Variants in GAPVD1 observed in about 807,000 individuals in gnomAD.
The protein encoded by GAPVD1 is GTPase-activating protein and VPS9 domain-containing protein 1.
Under a neutral mutation model 155.5 loss-of-function variants are expected in GAPVD1, and 35 were observed. The ratio of observed to expected loss-of-function variants is 0.23; its 90% CI spans 0.17 to 0.30. The LOEUF (loss-of-function observed/expected upper bound fraction) is 0.30, where lower values mean the gene tolerates loss of function less well. Ranked by LOEUF, GAPVD1 falls within the 10% of genes least tolerant of loss-of-function variation. GAPVD1 has a pLI of 1.00. For synonymous variants in GAPVD1, 636 were observed against 619.7 expected (o/e 1.03, Z -0.39); for missense variants, 1,429 against 1,775.7 (o/e 0.80, Z 3.51).
At chr9:125,294,655 T>G (rs1839551868) in intron 2 of GAPVD1, among the ~76,000 whole-genome samples, 1 of 150,638 alleles carries the variant, frequency 6.6e-6, no homozygotes, top group African/African-American at 2.5e-5. Flanking sequence ...TAAAATGGTT[T>G]TTTTTTTTTT....
At chr9:125,356,505 C>A (rs1850108257) in intron 25 of GAPVD1, among the ~76,000 whole-genome samples, 1 of 151,826 alleles carries the variant, frequency 6.6e-6, no homozygotes, top group African/African-American at 2.4e-5. Context: ...TTTTTCTTTT[C>A]TTTTGAGACA....
intron 2 of GAPVD1, among the ~76,000 whole-genome samples, chr9:125,292,815 G>A (rs1838831240): frequency 6.6e-6 from 1 of 152,174 alleles, no homozygotes. Flanking sequence ...TGGAAGTATG[G>A]AGTATTAATT....
At chr9:125,298,570 CCT>C (rs972273320) in intron 3 of GAPVD1, among the ~76,000 whole-genome samples, 1 of 136,748 alleles carries the variant, frequency 7.3e-6, no homozygotes, top group African/African-American at 2.7e-5. Context: ...CTCACTGCAA[CCT>C]CTGTCTCCCG....
At position 125,332,509 on chromosome 9, in the gene GAPVD1, G is replaced by T; in HGVS notation, c.2309-1G>T. ...TTATTTTTTACTATTGTTTTTTAAA[G>T]GCATAAGTGCAACCTCTGAGGATAT... On this transcript the variant is annotated splice_acceptor_variant, in intron 14 of 27. Transcript: ENST00000297933. LOFTEE classifies it high-confidence loss of function. The T allele has an allele frequency of 6.3e-7, 1 of 1,580,074 alleles. No homozygotes were observed. The highest frequency in any genetic ancestry group is 1.2e-5 in the South Asian group (1 of 86,578).
At position 125,365,372 on chromosome 9, in the gene GAPVD1, T is replaced by G. The variant is rs1851411553; in HGVS notation, c.*2626T>G. The G allele has an allele frequency of 6.6e-6, 1 of 151,990 alleles. No individual in the cohort carries two copies. The highest frequency in any genetic ancestry group is 2.4e-5 in the African/African-American group (1 of 41,380). 9.4% of individuals were successfully genotyped at this position (151,990 alleles called of 1,614,324 possible). On this transcript the variant is annotated 3_prime_UTR_variant, in exon 28 of 28. Coordinates refer to ENST00000297933, the MANE Select transcript of GAPVD1 (RefSeq NM_001282680.3). ...GGAATAGTTGTTCCCCAAATGTTTC[T>G]TCCTCCACTGCCTTCCAGTACTTTC... is the stretch of plus-strand genomic sequence containing the variant.
At chr9:125,291,715 T>C (rs1282952140) in intron 2 of GAPVD1, among the ~76,000 whole-genome samples, 7 of 151,934 alleles carry the variant, frequency 4.6e-5, no homozygotes, top group Non-Finnish European at 8.8e-5. Flanking sequence ...AGTGGACCCA[T>C]AGTGTGAAGG....
chr9:125,336,958 T>G, intron 15 of GAPVD1, 60 bp from the exon 16 acceptor site: 2 of 929,720 alleles, frequency 2.2e-6, no homozygotes, highest in South Asian at 1.4e-5. Flanking sequence ...CCCTTTAAAC[T>G]GTGTTGAGAC....
intron 3 of GAPVD1, 69 bp downstream of exon 3, chr9:125,295,643 A>G (rs13302178): frequency 0.49 from 74,386 of 151,530 alleles, 18,433 homozygotes; most frequent in Middle Eastern, 0.58. Context: ...TGTTGGCCAG[A>G]CTGATCTTGA....
intron 12 of GAPVD1, among the ~76,000 whole-genome samples, chr9:125,329,039 G>A (rs914697317): frequency 4.0e-5 from 6 of 151,416 alleles, no homozygotes; most frequent in African/African-American, 1.5e-4. Context: ...AGGAGAATCA[G>A]GCAGGGAGGT....
At position 125,321,497 on chromosome 9, in the gene GAPVD1, A is replaced by G. The variant is rs867507880; in HGVS notation, c.1667A>G (p.His556Arg). 4 of 1,613,068 alleles carry G rather than the reference A, an allele frequency of 2.5e-6. No individual in the cohort carries two copies. Among genetic ancestry groups the G allele is most frequent in the East Asian group, 2.2e-5 (1 of 44,856 alleles). The change falls in exon 10 of 28, where the codon CAT becomes CGT. Residue 556 changes from histidine (H) to arginine (R), a missense_variant. Physicochemically the swap from His to Arg is conservative, Grantham distance 29. This residue lies in a region of GAPVD1 where 628 missense variants were observed against 733.4 expected (regional missense o/e 0.86). Transcript: ENST00000297933. ...GTCCCTGTTGATGAAAACAAACTCC[A>G]TGGTAAACCTGATAAAACCTTGCGC... The part of the protein sequence containing the change: ...GDVPVDENKL[H>R]GKPDKTLRFS...
At chr9:125,300,067 ATATATATATATATATATATATATATATG>A (rs1840608838) in intron 4 of GAPVD1, among the ~76,000 whole-genome samples, 1 of 91,078 alleles carries the variant, frequency 1.1e-5, no homozygotes, top group East Asian at 3.2e-4. Context: ...ATATATATAT[ATATATATATATATATATATATATATATG>A]TATTTCCATG....
intron 17 of GAPVD1, among the ~76,000 whole-genome samples, chr9:125,339,533 A>G (rs1847534986): frequency 6.6e-6 from 1 of 152,122 alleles, no homozygotes; most frequent in Non-Finnish European, 1.5e-5. Context: ...CTTTTTTGGA[A>G]ATTGAGATCT....
chr9:125,332,458 T>C, intron 14 of GAPVD1, 52 bp from the exon 15 acceptor site: 5 of 1,419,162 alleles, frequency 3.5e-6, no homozygotes, highest in Non-Finnish European at 2.9e-6. Flanking sequence ...ATACTTTTTG[T>C]GTGGATATTT....
chr9:125,278,901 TAGCAGGTCATTTTA>T (rs1462289248), intron 2 of GAPVD1, among the ~76,000 whole-genome samples: 5 of 151,600 alleles, frequency 3.3e-5, no homozygotes, highest in Non-Finnish European at 7.4e-5. Context: ...GATAACATTA[TAGCAGGTCATTTTA>T]AAAATGGCAG....
chr9:125,301,172 C>A (rs1384945829), intron 4 of GAPVD1, among the ~76,000 whole-genome samples: 1 of 151,934 alleles, frequency 6.6e-6, no homozygotes, highest in Admixed American at 6.6e-5. Flanking sequence ...TGAGCTCAAG[C>A]GATTTTCCCA....
chr9:125,299,695 T>C (rs979566401), intron 4 of GAPVD1, among the ~76,000 whole-genome samples: 7 of 150,394 alleles, frequency 4.7e-5, no homozygotes, highest in Non-Finnish European at 8.9e-5. Context: ...GAGTAAATTA[T>C]CTGTTCTGCT....
chr9:125,309,424 T>C, intron 8 of GAPVD1: 1 of 152,152 alleles, frequency 6.6e-6, no homozygotes, highest in Non-Finnish European at 1.5e-5. Context: ...AACCTCTGCC[T>C]TCCAGGTTCA....
chr9:125,360,997 G>A (rs573467137), intron 27 of GAPVD1, among the ~76,000 whole-genome samples: 9 of 152,240 alleles, frequency 5.9e-5, no homozygotes, highest in African/African-American at 1.7e-4. Context: ...AAATAGCTGG[G>A]ATTACAGGCG....
chr9:125,264,885 T>C (rs539651937), intron 1 of GAPVD1, among the ~76,000 whole-genome samples: 2 of 151,984 alleles, frequency 1.3e-5, no homozygotes, highest in South Asian at 4.2e-4. Context: ...GCCTGGCTAA[T>C]TTTTGTATTT....
Sources: allele counts gnomAD v4.1 joint callset (sites outside exome capture counted in the v4.1 genomes callset), GRCh38; gene constraint gnomAD v4.1.1; regional missense constraint gnomAD v4.1.1; transcripts MANE v1.5; gene names NCBI Gene and HGNC (gene_info 2026-07-23, HGNC 2026-07-21).